Variants in BCL9 observed in about 807,000 individuals in gnomAD.
BCL9 encodes the protein B-cell CLL/lymphoma 9 protein.
BCL9 carries 25 observed loss-of-function variants against 88.5 expected under a neutral mutation model. The ratio of observed to expected loss-of-function variants is 0.28; its 90% CI spans 0.21 to 0.39. The LOEUF (loss-of-function observed/expected upper bound fraction) is 0.39. Ranked by LOEUF, BCL9 falls within the 10% of genes least tolerant of loss-of-function variation. The pLI, the probability that BCL9 is intolerant of heterozygous loss-of-function variation, is 1.00. For missense variants in BCL9, 1,817 were observed against 1,877.8 expected (o/e 0.97, Z 0.60); for synonymous variants, 711 against 673.3 (o/e 1.06, Z -0.87).
chr1:147,619,180 C>T lies in BCL9; in HGVS notation c.1025C>T (p.Pro342Leu). The change falls in exon 8 of 10, where the codon CCC becomes CTC. Residue 342 changes from proline (P) to leucine (L), a missense_variant. Physicochemically the swap from Pro to Leu is moderately conservative, Grantham distance 98. Around this residue, in one of 2 missense-constraint regions of BCL9, gnomAD observed 1,228 missense variants for 1,191.6 expected, o/e 1.03. Transcript: ENST00000234739. This position sits in a 1 kb window ranked among gnomAD's most constrained non-coding sequence, Gnocchi z 4.1. ...PPPPVSSGEP[P>L]TLGENPDGLS... is the part of the protein sequence containing the mutation. ...CCACCAGTGTCCAGTGGCGAGCCCCCCACACTGGGAGAGAATCCCGATGGC... is the reference window on the plus strand; with the variant it reads ...CCACCAGTGTCCAGTGGCGAGCCCCTCACACTGGGAGAGAATCCCGATGGC... The T allele has an allele frequency of 1.2e-6, 2 of 1,613,576 alleles. No homozygotes were observed. The highest frequency in any genetic ancestry group is 1.7e-6 in the Non-Finnish European group (2 of 1,179,702).
chr1:147,609,454 G>A (rs1388047264), intron 3 of BCL9, among the ~76,000 whole-genome samples: 1 of 152,166 alleles, frequency 6.6e-6, no homozygotes, highest in Admixed American at 6.5e-5. Flanking sequence ...AAGGAAGATG[G>A]CTTCAAGGAA....
At chr1:147,572,064 C>A (rs1655910011) in intron 1 of BCL9, among the ~76,000 whole-genome samples, 1 of 114,186 alleles carries the variant, frequency 8.8e-6, no homozygotes, top group Admixed American at 1.1e-4. Flanking sequence ...ACGGTGAAAC[C>A]CCGTCTGTAC....
intron 1 of BCL9, among the ~76,000 whole-genome samples, chr1:147,579,358 C>G (rs1656259738): frequency 6.6e-6 from 1 of 152,194 alleles, no homozygotes; most frequent in South Asian, 2.1e-4. Flanking sequence ...GACAAAATCA[C>G]AAACTTCTCA....
chr1:147,579,613 G>A (rs1656272459), intron 1 of BCL9, among the ~76,000 whole-genome samples: 1 of 152,166 alleles, frequency 6.6e-6, no homozygotes, highest in Non-Finnish European at 1.5e-5. Flanking sequence ...ATGAATAGGG[G>A]CACACCTAAC....
intron 1 of BCL9, among the ~76,000 whole-genome samples, chr1:147,572,716 A>T (rs1655939205): frequency 6.6e-6 from 1 of 152,186 alleles, no homozygotes; most frequent in Non-Finnish European, 1.5e-5. Flanking sequence ...AGTAGCTGGG[A>T]CTACAGGTGC....
intron 1 of BCL9, chr1:147,600,430 G>C (rs1380779518): frequency 6.6e-6 from 1 of 151,818 alleles, no homozygotes; most frequent in African/African-American, 2.4e-5. Flanking sequence ...CCGGTTTGGG[G>C]GCAGGGGTAG....
chr1:147,620,581 G>C lies in BCL9; in HGVS notation c.2426G>C (p.Arg809Thr). ...NLREPIGPDQ[R>T]TNSRLSHMPP... ...AGAGAACCAATTGGGCCCGACCAGA[G>C]GACTAACAGCCGGCTCAGTCATATG... Residue 809 changes from arginine (R) to threonine (T), a missense_variant, in exon 8 of 10, where the codon AGG (arginine) becomes ACG (threonine). By Grantham distance (71) the Arg-to-Thr change is moderately conservative. This residue lies in a region of BCL9 where 1,228 missense variants were observed against 1,191.6 expected (regional missense o/e 1.03). Coordinates refer to ENST00000234739, the MANE Select transcript of BCL9 (RefSeq NM_004326.4). The C allele has an allele frequency of 6.2e-7, 1 of 1,614,190 alleles. No individual in the cohort carries two copies. The highest frequency in any genetic ancestry group is 1.1e-5 in the South Asian group (1 of 91,088).
chr1:147,612,607 G>A (rs922387977), intron 4 of BCL9, among the ~76,000 whole-genome samples: 2 of 152,110 alleles, frequency 1.3e-5, no homozygotes, highest in Admixed American at 6.6e-5. Flanking sequence ...CATAGAAACC[G>A]TTGTCCTTTA....
At chr1:147,559,714 T>G (rs147598109) in intron 1 of BCL9, among the ~76,000 whole-genome samples, 47 of 152,342 alleles carry the variant, frequency 3.1e-4, no homozygotes, top group African/African-American at 1.0e-3. Flanking sequence ...ATGTACTCTC[T>G]TCCTTCCTCC....
At chr1:147,570,642 T>TTC (rs1388896191) in intron 1 of BCL9, among the ~76,000 whole-genome samples, 4 of 10,856 alleles carry the variant, frequency 3.7e-4, no homozygotes, top group Admixed American at 2.2e-3. Flanking sequence ...TTTTTTTCTT[T>TTC]TTTTTTTTTG....
intron 1 of BCL9, among the ~76,000 whole-genome samples, chr1:147,598,980 G>A (rs587776231): frequency 6.6e-6 from 1 of 152,328 alleles, no homozygotes; most frequent in East Asian, 1.9e-4. Context: ...GTAATCTAAT[G>A]GGCTACCCTC....
intron 1 of BCL9, among the ~76,000 whole-genome samples, chr1:147,577,656 C>T (rs587637266): frequency 6.6e-6 from 1 of 152,040 alleles, no homozygotes; most frequent in South Asian, 2.1e-4. Context: ...AGAGTTGGGC[C>T]CAACTCTTTT....
At position 147,625,116 on chromosome 1, in the gene BCL9, G is replaced by A; in HGVS notation, c.*157G>A. On this transcript the variant is annotated 3_prime_UTR_variant, in exon 10 of 10. Transcript: ENST00000234739. ...GGGAGGGGGGAACTCGAGAATGTAT[G>A]GATTTACCTGAAAACAAATTATTCA... The A allele has an allele frequency of 1.3e-6, 1 of 777,532 alleles. No individual in the cohort carries two copies. The highest frequency in any genetic ancestry group is 1.9e-6 in the Non-Finnish European group (1 of 530,332). 48.2% of individuals were successfully genotyped at this position (777,532 alleles called of 1,614,324 possible). A position where few individuals can be genotyped will look rare whatever the true frequency, so the allele number is the denominator to read the frequency against.
Position 147,614,582 on chromosome 1 carries a change from G to T in BCL9, c.526G>T (p.Val176Leu). ...PTPAQKTPAK[V>L]VYVFSTEMAN... is the part of the protein sequence containing the mutation. ...ACCTGCTCAGAAGACTCCAGCCAAA[G>T]TGGTGTACGTGTTTTCTACTGAGAT... The change falls in exon 6 of 10, where the codon GTG becomes TTG. Residue 176 changes from valine to leucine, a missense_variant. Physicochemically the swap from Val to Leu is conservative, Grantham distance 32 (BLOSUM62 1). Around this residue, in one of 2 missense-constraint regions of BCL9, gnomAD observed 1,228 missense variants for 1,191.6 expected, o/e 1.03. Coordinates refer to ENST00000234739, the MANE Select transcript of BCL9 (RefSeq NM_004326.4). 1 of 1,613,878 alleles carries T rather than the reference G, an allele frequency of 6.2e-7. No homozygotes were observed. The highest frequency in any genetic ancestry group is 1.7e-5 in the Admixed American group (1 of 59,980).
intron 3 of BCL9, among the ~76,000 whole-genome samples, chr1:147,609,782 T>C (rs1657907234): frequency 6.6e-6 from 1 of 152,220 alleles, no homozygotes; most frequent in African/African-American, 2.4e-5. Context: ...AGAACTTGAA[T>C]AAGTCACAGA....
intron 1 of BCL9, among the ~76,000 whole-genome samples, chr1:147,574,063 C>G (rs1476196484): frequency 2.6e-5 from 4 of 152,184 alleles, no homozygotes; most frequent in Non-Finnish European, 5.9e-5. Flanking sequence ...CACAGAATCA[C>G]TATATGACAT....
intron 1 of BCL9, among the ~76,000 whole-genome samples, chr1:147,582,547 C>T (rs376795558): frequency 3.9e-5 from 6 of 152,024 alleles, no homozygotes; most frequent in East Asian, 1.9e-4. Flanking sequence ...AACTAGGACC[C>T]GAGGGCCGAA....
rs1290659393 is a variant in BCL9 at position 147,612,507 on chromosome 1, T to A, written c.54-376T>A. Among the ~76,000 whole-genome samples the A allele has an allele frequency of 2.0e-5, 3 of 152,194 alleles. No homozygotes were observed. In the South Asian group the frequency reaches 6.2e-4, roughly 31 times the overall value. ...GCTCTCCTACAGCTGTTCCTTGTCA[T>A]CAGCCTGGGGGTGGGTAGTATTTTG... On this transcript the variant is annotated intron_variant, in intron 4 of 9. Transcript: ENST00000234739.
At chr1:147,622,609 A>G in intron 9 of BCL9, 78 bp downstream of exon 9, 9 of 1,531,578 alleles carry the variant, frequency 5.9e-6, no homozygotes, top group Admixed American at 1.9e-5. Flanking sequence ...CTCAATGGCT[A>G]TACACCTGAA....
Sources: allele counts gnomAD v4.1 joint callset (sites outside exome capture counted in the v4.1 genomes callset), GRCh38; gene constraint gnomAD v4.1.1; regional missense constraint gnomAD v4.1.1; non-coding constraint Gnocchi (gnomAD v3.1); transcripts MANE v1.5; gene names NCBI Gene and HGNC (gene_info 2026-07-23, HGNC 2026-07-21).